Variants in PALD1 observed in about 807,000 individuals in gnomAD.
The protein encoded by PALD1 is paladin.
Under a neutral mutation model 96.0 loss-of-function variants are expected in PALD1, and 57 were observed. The observed-to-expected ratio is 0.59, with a 90% CI of 0.48 to 0.74. The LOEUF (loss-of-function observed/expected upper bound fraction) is 0.74, where lower values mean the gene tolerates loss of function less well. Among genes scored for constraint, PALD1 ranks in the 30% least tolerant of loss-of-function variants. The pLI is 0.00. For synonymous variants in PALD1, 464 were observed against 473.6 expected (o/e 0.98, Z 0.26); for missense variants, 1,063 against 1,143.7 (o/e 0.93, Z 1.02).
rs1451705618 is a variant in PALD1, at chr10:70,568,309, A to G, written c.*1576A>G. ...GTTGGGACCACTGGCTGATCACATCACCTCTCTGCCTCAGTTTCCCCATCT... is the reference window on the plus strand; with the variant it reads ...GTTGGGACCACTGGCTGATCACATCGCCTCTCTGCCTCAGTTTCCCCATCT... On this transcript the variant is annotated 3_prime_UTR_variant, in exon 20 of 20. Transcript: ENST00000263563. 6.6e-6 allele frequency: 1 copy of G among 151,762 alleles called. No homozygotes were observed. The highest frequency in any genetic ancestry group is 1.5e-5 in the Non-Finnish European group (1 of 67,962). The allele number at this position is 151,762 out of a possible 1,614,324, so 9.4% of individuals were successfully genotyped here.
At chr10:70,501,984 G>A (rs1720539969) in intron 1 of PALD1, among the ~76,000 whole-genome samples, 1 of 151,846 alleles carries the variant, frequency 6.6e-6, no homozygotes, top group African/African-American at 2.4e-5. Context: ...TAAATAAGCT[G>A]CTATTTCATT....
At position 70,564,527 on chromosome 10, in the gene PALD1, G is replaced by A; in HGVS notation, c.2418+8G>A. ...AGCACCTGGATGCAGGAGGTGAGGG[G>A]AGGCTGAGGCCGAGAGGGGCCGGGG... On this transcript the variant is annotated splice_region_variant and intron_variant, in intron 19 of 19. Coordinates refer to ENST00000263563, the MANE Select transcript of PALD1 (RefSeq NM_014431.3). 1 of 1,612,760 alleles carries A rather than the reference G, an allele frequency of 6.2e-7. No homozygotes were observed. The highest frequency in any genetic ancestry group is 1.1e-5 in the South Asian group (1 of 90,974).
intron 18 of PALD1, among the ~76,000 whole-genome samples, chr10:70,554,315 G>C (rs1253290811): frequency 6.6e-6 from 1 of 152,170 alleles, no homozygotes; most frequent in East Asian, 1.9e-4. Flanking sequence ...TGTAATCCCA[G>C]CTACTCGGGA....
Position 70,523,136 on chromosome 10 carries a change from C to T in PALD1, c.-29-2787C>T, listed in dbSNP as rs79830694. Among the ~76,000 whole-genome samples, 614 of 152,382 alleles carry T rather than the reference C, an allele frequency of 4.0e-3. 1 individual carries two copies. The highest frequency in any genetic ancestry group is 0.014 in the African/African-American group (575 of 41,592). On this transcript the variant is annotated intron_variant, in intron 1 of 19. Transcript: ENST00000263563. ...TACCCCTGCGGCCTGCAGCTGTGAA[C>T]ATCTGTGTCGTCTCTGGGCCACCCT... is the stretch of plus-strand genomic sequence containing the variant.
At chr10:70,464,969 G>A in the PALD1 span, among the ~76,000 whole-genome samples, 1 of 149,898 alleles carries the variant, frequency 6.7e-6, no homozygotes, top group Non-Finnish European at 1.5e-5. Context: ...ATGTATGTAT[G>A]TATGTATGTA....
At chr10:70,551,399 C>T (rs1847475175) in intron 18 of PALD1, among the ~76,000 whole-genome samples, 2 of 152,184 alleles carry the variant, frequency 1.3e-5, no homozygotes, top group African/African-American at 4.8e-5. Context: ...TCAGATCCCC[C>T]ACAGCCTCTG....
At chr10:70,551,721 A>G (rs568767043) in intron 18 of PALD1, among the ~76,000 whole-genome samples, 2 of 152,196 alleles carry the variant, frequency 1.3e-5, no homozygotes, top group Non-Finnish European at 2.9e-5. Flanking sequence ...TTCTTCAGCA[A>G]TAAAACTATT....
intron 1 of PALD1, among the ~76,000 whole-genome samples, chr10:70,504,541 A>G (rs181299851): frequency 6.6e-5 from 10 of 152,328 alleles, no homozygotes. Flanking sequence ...AACAAACAAA[A>G]ACACGTATTT....
intron 18 of PALD1, among the ~76,000 whole-genome samples, chr10:70,553,643 G>C (rs1246238404): frequency 6.6e-6 from 1 of 152,216 alleles, no homozygotes; most frequent in Non-Finnish European, 1.5e-5. Flanking sequence ...CATTTGAGGA[G>C]GGAGGCACTG....
intron 1 of PALD1, among the ~76,000 whole-genome samples, chr10:70,490,884 C>G (rs1846086329): frequency 6.6e-6 from 1 of 152,178 alleles, no homozygotes; most frequent in African/African-American, 2.4e-5. Context: ...ACTCGGAAAG[C>G]TGGCTTGTTT....
chr10:70,539,561 C>T lies in PALD1; in HGVS notation c.1726-19C>T, dbSNP rs369380679. On this transcript the variant is annotated intron_variant, in intron 14 of 19. Coordinates refer to ENST00000263563, the MANE Select transcript of PALD1 (RefSeq NM_014431.3). The surrounding 1 kb of genome is among the most constrained non-coding windows in gnomAD (Gnocchi z 4.5). Reference sequence around the variant, plus strand: ...AGCCTGCCCCAGTGGCCTGTGTCCTCCCTCCTGCCCTTGCCCAGACCCTGG... The same window carrying T: ...AGCCTGCCCCAGTGGCCTGTGTCCTTCCTCCTGCCCTTGCCCAGACCCTGG... The T allele has an allele frequency of 2.5e-4, 392 of 1,583,510 alleles. 2 individuals are homozygous for T. The African/African-American group carries it at 4.8e-3, about 19-fold the overall frequency.
chr10:70,544,511 G>T (rs1251020167), intron 17 of PALD1, among the ~76,000 whole-genome samples: 1 of 152,112 alleles, frequency 6.6e-6, no homozygotes, highest in Non-Finnish European at 1.5e-5. Context: ...AGCTGAGTGA[G>T]GAGGGGCTGC....
intron 1 of PALD1, among the ~76,000 whole-genome samples, chr10:70,490,172 CT>C (rs1007149415): frequency 1.3e-5 from 2 of 152,084 alleles, no homozygotes; most frequent in African/African-American, 4.8e-5. Flanking sequence ...ATCCATCTGC[CT>C]CGGCCTCCCA....
chr10:70,548,596 G>A (rs537277713), intron 18 of PALD1, among the ~76,000 whole-genome samples: 1 of 152,200 alleles, frequency 6.6e-6, no homozygotes, highest in South Asian at 2.1e-4. Flanking sequence ...CGGTGGGTAG[G>A]GGGTGAGGAT....
At chr10:70,501,220 G>A (rs1846286859) in intron 1 of PALD1, among the ~76,000 whole-genome samples, 1 of 152,114 alleles carries the variant, frequency 6.6e-6, no homozygotes, top group Admixed American at 6.5e-5. Flanking sequence ...TTGTGGGGAG[G>A]ACTGTGTGGG....
the PALD1 span, among the ~76,000 whole-genome samples, chr10:70,462,163 C>T: frequency 6.6e-6 from 1 of 152,240 alleles, no homozygotes; most frequent in Admixed American, 6.5e-5. Context: ...GACCTGATCT[C>T]ACCTGTCTCT....
chr10:70,562,470 C>T (rs1847761246), intron 18 of PALD1, among the ~76,000 whole-genome samples: 1 of 152,242 alleles, frequency 6.6e-6, no homozygotes, highest in African/African-American at 2.4e-5. Context: ...CCGCAGAGCC[C>T]ACCCTGGGGC....
intron 17 of PALD1, 133 bp downstream of exon 17, chr10:70,541,667 C>T: frequency 1.5e-6 from 1 of 688,244 alleles, no homozygotes; most frequent in East Asian, 2.7e-5. Flanking sequence ...ATCAGTGCTT[C>T]CCTGTTCCCA....
Position 70,539,957 on chromosome 10 carries a change from T to C in PALD1, c.1908+195T>C, listed in dbSNP as rs1237810205. ...CAAGCTTTGTGTGTGTGTACGTGTG[T>C]TTATTATGTGTTATAGGGTATATGT... On this transcript the variant is annotated intron_variant, in intron 15 of 19. Coordinates refer to ENST00000263563, the MANE Select transcript of PALD1 (RefSeq NM_014431.3). The surrounding 1 kb of genome is among the most constrained non-coding windows in gnomAD (Gnocchi z 4.5). 6.6e-6 allele frequency among the ~76,000 whole-genome samples: 1 copy of C among 152,168 alleles called. No homozygotes were observed. The highest frequency in any genetic ancestry group is 2.4e-5 in the African/African-American group (1 of 41,426).
Sources: allele counts gnomAD v4.1 joint callset (sites outside exome capture counted in the v4.1 genomes callset), GRCh38; gene constraint gnomAD v4.1.1; non-coding constraint Gnocchi (gnomAD v3.1); transcripts MANE v1.5; gene names NCBI Gene and HGNC (gene_info 2026-07-23, HGNC 2026-07-21).